Variants in NT5DC1 observed in about 807,000 individuals in gnomAD.
The protein encoded by NT5DC1 is 5'-nucleotidase domain-containing protein 1.
A neutral mutation model predicts 59.4 loss-of-function variants in NT5DC1; 42 were observed. The observed-to-expected ratio is 0.71, with a 90% CI of 0.55 to 0.92. NT5DC1 has a LOEUF of 0.92. Among genes scored for constraint, NT5DC1 ranks in the 40% least tolerant of loss-of-function variants. NT5DC1 has a pLI of 0.00. For missense variants in NT5DC1, 501 were observed against 537.1 expected (o/e 0.93, Z 0.66); for synonymous variants, 172 against 188.1 (o/e 0.91, Z 0.70).
rs1408050432 is a variant in NT5DC1 at position 116,120,190 on chromosome 6, G to A, written c.529+2245G>A. On this transcript the variant is annotated intron_variant, in intron 6 of 11. Coordinates refer to ENST00000319550, the MANE Select transcript of NT5DC1 (RefSeq NM_152729.3). ...ACACCTGGTCATTTTCTGTGAGATC[G>A]ATGATGGCACTCCCTGAAGCCTGAT... The A allele has an allele frequency of 8.1e-6, 13 of 1,614,138 alleles. No homozygotes were observed. Among genetic ancestry groups the A allele is most frequent in the Admixed American group, 1.7e-5 (1 of 60,020 alleles).
chr6:116,224,644 G>C (rs1254435467), intron 8 of NT5DC1, among the ~76,000 whole-genome samples: 1 of 152,332 alleles, frequency 6.6e-6, no homozygotes, highest in East Asian at 1.9e-4. Flanking sequence ...CCCAGTAAGA[G>C]AGTAGTTTTG....
chr6:116,175,780 T>TAG (rs1199455124), intron 6 of NT5DC1, among the ~76,000 whole-genome samples: 1 of 152,230 alleles, frequency 6.6e-6, no homozygotes, highest in Non-Finnish European at 1.5e-5. Context: ...TTTTAATTGA[T>TAG]CTACTGAAAT....
chr6:116,193,232 A>G (rs903865229), intron 6 of NT5DC1, among the ~76,000 whole-genome samples: 2 of 152,062 alleles, frequency 1.3e-5, no homozygotes, highest in African/African-American at 4.8e-5. Context: ...ATTTTTTAAA[A>G]TCTTGCCCCA....
intron 6 of NT5DC1, chr6:116,125,496 C>T (rs1169700245): frequency 6.2e-7 from 1 of 1,613,222 alleles, no homozygotes; most frequent in African/African-American, 1.3e-5. Context: ...GCAGCATATT[C>T]TCAGATGGAT....
At chr6:116,149,178 G>GAATTTGAATTT (rs1779971495) in intron 6 of NT5DC1, among the ~76,000 whole-genome samples, 1 of 152,060 alleles carries the variant, frequency 6.6e-6, no homozygotes, top group Admixed American at 6.5e-5. Flanking sequence ...TTATACATTT[G>GAATTTGAATTT]GTACAGAATT....
At chr6:116,126,405 T>C (rs968788846) in intron 6 of NT5DC1, among the ~76,000 whole-genome samples, 4 of 152,184 alleles carry the variant, frequency 2.6e-5, no homozygotes, top group Non-Finnish European at 4.4e-5. Context: ...GTGTTCAGGC[T>C]GGTTCACGGT....
intron 3 of NT5DC1, among the ~76,000 whole-genome samples, chr6:116,109,802 T>C (rs1169320477): frequency 1.3e-5 from 2 of 152,238 alleles, no homozygotes; most frequent in Non-Finnish European, 2.9e-5. Flanking sequence ...ATTATTTTGT[T>C]GCCACATTAT....
chr6:116,120,848 G>A lies in NT5DC1; in HGVS notation c.529+2903G>A, dbSNP rs140265850. The A allele has an allele frequency of 3.7e-6, 6 of 1,613,944 alleles. No homozygotes were observed. In the African/African-American group the frequency reaches 8.0e-5, roughly 22 times the overall value. ...TCCCTTTGCTCCTGCTGGGCCCACA[G>A]GGCCTGGGAGACCAGGAGGTCCTCC... On this transcript the variant is annotated intron_variant, in intron 6 of 11. Transcript: ENST00000319550.
chr6:116,167,472 A>G (rs1427448790), intron 6 of NT5DC1, among the ~76,000 whole-genome samples: 1 of 152,138 alleles, frequency 6.6e-6, no homozygotes, highest in Non-Finnish European at 1.5e-5. Flanking sequence ...TTGGCCTCCC[A>G]AAGTGCTAGG....
At chr6:116,116,232 A>G (rs535722341) in intron 5 of NT5DC1, among the ~76,000 whole-genome samples, 16 of 152,352 alleles carry the variant, frequency 1.1e-4, no homozygotes, top group African/African-American at 3.8e-4. Context: ...TTTGTACTGT[A>G]TATCAAGATT....
intron 11 of NT5DC1, 52 bp downstream of exon 11, chr6:116,239,175 C>T (rs1782179463): frequency 7.9e-7 from 1 of 1,258,234 alleles, no homozygotes; most frequent in Non-Finnish European, 1.1e-6. Context: ...CAATAATGAC[C>T]AGTACTAGAA....
chr6:116,200,002 G>GA (rs773820394), intron 6 of NT5DC1, among the ~76,000 whole-genome samples: 1 of 101,204 alleles, frequency 9.9e-6, no homozygotes, highest in Admixed American at 1.2e-4. Context: ...TGGAAAGTGG[G>GA]GGGGGAAGAG....
intron 8 of NT5DC1, among the ~76,000 whole-genome samples, chr6:116,228,338 G>A (rs539189882): frequency 9.0e-4 from 137 of 152,202 alleles, no homozygotes; most frequent in Non-Finnish European, 1.3e-3. Context: ...GAGAAACCTC[G>A]TCTCTACTAA....
At chr6:116,108,513 A>T in intron 3 of NT5DC1, 78 bp downstream of exon 3, 1 of 799,968 alleles carries the variant, frequency 1.3e-6, no homozygotes, top group Non-Finnish European at 2.2e-6. Context: ...TGACCCTTAC[A>T]GTATGGGTTA....
At chr6:116,119,821 T>A in intron 6 of NT5DC1, 1 of 413,828 alleles carries the variant, frequency 2.4e-6, no homozygotes, top group Non-Finnish European at 4.3e-6. Context: ...TTTGGTGATA[T>A]TTTTTAATAT....
At chr6:116,164,791 A>G (rs1484296882) in intron 6 of NT5DC1, among the ~76,000 whole-genome samples, 1 of 152,188 alleles carries the variant, frequency 6.6e-6, no homozygotes, top group African/African-American at 2.4e-5. Flanking sequence ...TTTGGGAAAT[A>G]CTTTATTTCT....
At chr6:116,199,356 A>G (rs1781300146) in intron 6 of NT5DC1, among the ~76,000 whole-genome samples, 1 of 152,122 alleles carries the variant, frequency 6.6e-6, no homozygotes, top group African/African-American at 2.4e-5. Context: ...GTCAAAGGAC[A>G]GGGAACTACC....
At chr6:116,231,770 A>C (rs1010916811) in intron 8 of NT5DC1, among the ~76,000 whole-genome samples, 1 of 152,256 alleles carries the variant, frequency 6.6e-6, no homozygotes, top group Non-Finnish European at 1.5e-5. Context: ...TAAATAATAG[A>C]ACATGTGTAA....
intron 6 of NT5DC1, among the ~76,000 whole-genome samples, chr6:116,133,906 A>T (rs1028370849): frequency 6.6e-6 from 1 of 152,218 alleles, no homozygotes; most frequent in African/African-American, 2.4e-5. Flanking sequence ...CTATAGAGAT[A>T]TAATAACCAT....
Sources: allele counts gnomAD v4.1 joint callset (sites outside exome capture counted in the v4.1 genomes callset), GRCh38; gene constraint gnomAD v4.1.1; transcripts MANE v1.5; gene names NCBI Gene and HGNC (gene_info 2026-07-23, HGNC 2026-07-21).